DLGAP1: variants seen among roughly 807,000 people sequenced by gnomAD.
The protein encoded by DLGAP1 is disks large-associated protein 1.
Under a neutral mutation model 90.8 loss-of-function variants are expected in DLGAP1, and 11 were observed. The observed-to-expected ratio is 0.12, with a 90% CI of 0.08 to 0.20. The LOEUF (loss-of-function observed/expected upper bound fraction) is 0.20, where lower values mean the gene tolerates loss of function less well. Among genes scored for constraint, DLGAP1 ranks in the 10% least tolerant of loss-of-function variants. The probability of loss-of-function intolerance (pLI) is 1.00; values close to 1 mark genes in which losing one functional copy is unlikely to be tolerated. For missense variants in DLGAP1, 1,050 were observed against 1,333.8 expected (o/e 0.79, Z 3.31); for synonymous variants, 558 against 540.7 (o/e 1.03, Z -0.44).
At chr18:3,531,266 G>A (rs904477359) in intron 10 of DLGAP1, among the ~76,000 whole-genome samples, 11 of 151,900 alleles carry the variant, frequency 7.2e-5, no homozygotes, top group Non-Finnish European at 1.2e-4. Flanking sequence ...GTGAAACCCC[G>A]TCTCTACTAA....
At chr18:3,936,557 A>G (rs2072645632) in intron 3 of DLGAP1, among the ~76,000 whole-genome samples, 1 of 152,178 alleles carries the variant, frequency 6.6e-6, no homozygotes, top group Admixed American at 6.5e-5. Context: ...TTATTTCCCA[A>G]CAACACTGTA....
intron 2 of DLGAP1, among the ~76,000 whole-genome samples, chr18:4,028,381 G>A (rs1400345429): frequency 6.6e-6 from 1 of 152,226 alleles, no homozygotes; most frequent in Non-Finnish European, 1.5e-5. Flanking sequence ...GGGGGCATCA[G>A]CCTCCTGACT....
At chr18:3,732,947 G>T (rs980854035) in intron 6 of DLGAP1, among the ~76,000 whole-genome samples, 1 of 151,786 alleles carries the variant, frequency 6.6e-6, no homozygotes, top group South Asian at 2.1e-4. Context: ...AATACTATAG[G>T]GTTCTTATGT....
intron 11 of DLGAP1, among the ~76,000 whole-genome samples, chr18:3,507,188 G>A (rs575532338): frequency 6.6e-6 from 1 of 152,096 alleles, no homozygotes; most frequent in South Asian, 2.1e-4. Flanking sequence ...AACAAGAAGT[G>A]GTTAAAACTC....
intron 6 of DLGAP1, among the ~76,000 whole-genome samples, chr18:3,734,941 T>C (rs931589337): frequency 6.6e-6 from 1 of 152,188 alleles, no homozygotes; most frequent in East Asian, 1.9e-4. Flanking sequence ...TTTCTAGAAT[T>C]TGTATTTTAT....
At chr18:3,771,460 C>T (rs62083251) in intron 5 of DLGAP1, 20,119 of 152,326 alleles carry the variant, frequency 0.13, 1,430 homozygotes, top group Middle Eastern at 0.18. Context: ...CCCGGAGACG[C>T]GCTCGGCCCG....
chr18:4,406,043 T>G (rs570501317), intron 1 of DLGAP1, among the ~76,000 whole-genome samples: 1 of 152,194 alleles, frequency 6.6e-6, no homozygotes, highest in Non-Finnish European at 1.5e-5. Context: ...AGTTACTTGG[T>G]TTACGCCCTA....
chr18:3,758,313 A>G (rs2063804251), intron 5 of DLGAP1, among the ~76,000 whole-genome samples: 1 of 152,172 alleles, frequency 6.6e-6, no homozygotes. Context: ...TAACTATTTG[A>G]AAGACTGAAA....
intron 2 of DLGAP1, among the ~76,000 whole-genome samples, chr18:4,042,844 C>T (rs1598292705): frequency 1.3e-5 from 2 of 152,290 alleles, no homozygotes; most frequent in East Asian, 3.9e-4. Context: ...CGTATTAAAA[C>T]ATCCGAGTTT....
chr18:3,784,034 A>G (rs2148152115), intron 5 of DLGAP1, among the ~76,000 whole-genome samples: 1 of 152,182 alleles, frequency 6.6e-6, no homozygotes, highest in South Asian at 2.1e-4. Flanking sequence ...CTGTATGCTG[A>G]TCTTGTGTGT....
chr18:3,667,900 T>C (rs1227450380), intron 7 of DLGAP1, among the ~76,000 whole-genome samples: 2 of 152,164 alleles, frequency 1.3e-5, no homozygotes, highest in African/African-American at 4.8e-5. Flanking sequence ...AAGAGGCTTA[T>C]TTCTAAACTC....
At chr18:3,765,243 G>A (rs79681627) in intron 5 of DLGAP1, among the ~76,000 whole-genome samples, 1 of 145,914 alleles carries the variant, frequency 6.9e-6, no homozygotes, top group Non-Finnish European at 1.5e-5. Context: ...CCATTCTTCT[G>A]CTTCAGCCTC....
At chr18:3,765,225 G>A (rs533244713) in intron 5 of DLGAP1, among the ~76,000 whole-genome samples, 1 of 147,628 alleles carries the variant, frequency 6.8e-6, no homozygotes, top group South Asian at 2.2e-4. Context: ...TTGCCTCCCG[G>A]GTTCACACCA....
chr18:4,128,377 C>A (rs2076262821), intron 2 of DLGAP1, among the ~76,000 whole-genome samples: 1 of 152,124 alleles, frequency 6.6e-6, no homozygotes, highest in African/African-American at 2.4e-5. Flanking sequence ...GAGACTTGAG[C>A]ATCTGTGGAT....
At chr18:4,070,981 A>T (rs897754965) in intron 2 of DLGAP1, among the ~76,000 whole-genome samples, 2 of 152,186 alleles carry the variant, frequency 1.3e-5, no homozygotes, top group Admixed American at 6.5e-5. Context: ...CTTTATTTTC[A>T]TCTCTACTCA....
At chr18:4,393,563 A>G (rs1453677711) in intron 1 of DLGAP1, among the ~76,000 whole-genome samples, 1 of 152,142 alleles carries the variant, frequency 6.6e-6, no homozygotes, top group Non-Finnish European at 1.5e-5. Flanking sequence ...CTGGATCTCA[A>G]CCATAGTTTG....
At chr18:3,524,002 C>T (rs1411815925) in intron 10 of DLGAP1, among the ~76,000 whole-genome samples, 2 of 152,202 alleles carry the variant, frequency 1.3e-5, no homozygotes, top group African/African-American at 4.8e-5. Context: ...GGTGCATTTG[C>T]TCTTCTCTGT....
chr18:3,581,410 G>A (rs1343682863), intron 8 of DLGAP1, among the ~76,000 whole-genome samples: 1 of 152,132 alleles, frequency 6.6e-6, no homozygotes, highest in Non-Finnish European at 1.5e-5. Flanking sequence ...TTTGGAACCT[G>A]GGCAGAGCAG....
intron 5 of DLGAP1, among the ~76,000 whole-genome samples, chr18:3,756,177 G>C (rs765937423): frequency 2.0e-4 from 31 of 152,036 alleles, no homozygotes; most frequent in Non-Finnish European, 3.8e-4. Flanking sequence ...AGCCTCCCGA[G>C]TAGCTGGGAC....
Sources: gnomAD v4.1 joint callset for allele counts (sites outside exome capture counted in the v4.1 genomes callset) on GRCh38, gnomAD v4.1.1 for gene constraint, MANE v1.5 for transcripts, NCBI Gene and HGNC (gene_info 2026-07-23, HGNC 2026-07-21) for gene names.